The following PBX3 variants were observed in gnomAD, a reference collection of about 807,000 sequenced individuals.
PBX3 encodes the protein PBX homeobox 3.
A neutral mutation model predicts 48.5 loss-of-function variants in PBX3; 14 were observed. The ratio of observed to expected loss-of-function variants is 0.29; its 90% CI spans 0.19 to 0.45. The LOEUF (loss-of-function observed/expected upper bound fraction) is 0.45. Among genes scored for constraint, PBX3 ranks in the 20% least tolerant of loss-of-function variants. PBX3 has a pLI of 1.00. For synonymous variants in PBX3, 210 were observed against 200.3 expected, an observed-to-expected ratio of 1.05 and a Z score of -0.41; for missense variants, 386 against 546.7, an observed-to-expected ratio of 0.71 and a Z score of 2.93.
intron 2 of PBX3, among the ~76,000 whole-genome samples, chr9:125,817,841 G>A (rs995830191): frequency 2.0e-5 from 3 of 152,152 alleles, no homozygotes; most frequent in Non-Finnish European, 4.4e-5. Context: ...ATTCCTTGGA[G>A]ATAAATTCTT....
At chr9:125,905,309 C>G (rs1377082063) in intron 2 of PBX3, among the ~76,000 whole-genome samples, 1 of 152,018 alleles carries the variant, frequency 6.6e-6, no homozygotes, top group African/African-American at 2.4e-5. Context: ...CAATATCCAT[C>G]CTCCTAACTG....
chr9:125,799,359 T>A (rs1837873255), intron 2 of PBX3, among the ~76,000 whole-genome samples: 2 of 151,998 alleles, frequency 1.3e-5, no homozygotes, highest in Admixed American at 6.6e-5. Flanking sequence ...CAAAATGTTA[T>A]CTGGGTGTGG....
intron 2 of PBX3, among the ~76,000 whole-genome samples, chr9:125,828,497 G>A (rs1014194022): frequency 2.6e-4 from 40 of 152,158 alleles, no homozygotes; most frequent in African/African-American, 9.4e-4. Flanking sequence ...AATTAGAACT[G>A]GTAATACAAT....
intron 6 of PBX3, 54 bp from the exon 7 acceptor site, chr9:125,962,048 A>C: frequency 1.1e-6 from 1 of 870,276 alleles, no homozygotes; most frequent in Non-Finnish European, 1.9e-6. Flanking sequence ...TAGGTCTTTG[A>C]GGATTATGTG....
chr9:125,917,518 C>T (rs190055787), intron 3 of PBX3, among the ~76,000 whole-genome samples: 31 of 152,292 alleles, frequency 2.0e-4, no homozygotes, highest in Admixed American at 6.5e-4. Flanking sequence ...TAAAGATCCT[C>T]TGTGCTATTC....
intron 2 of PBX3, among the ~76,000 whole-genome samples, chr9:125,825,151 G>A (rs1473152117): frequency 1.3e-5 from 2 of 152,090 alleles, no homozygotes; most frequent in Non-Finnish European, 2.9e-5. Flanking sequence ...GGGCGTGGTG[G>A]CATGCACCTA....
chr9:125,781,389 G>A (rs1314013980), intron 2 of PBX3, among the ~76,000 whole-genome samples: 1 of 151,680 alleles, frequency 6.6e-6, no homozygotes, highest in Non-Finnish European at 1.5e-5. Flanking sequence ...GCGTGGTGGC[G>A]CGCGCCTGCA....
chr9:125,816,321 C>T (rs1406965286), intron 2 of PBX3, among the ~76,000 whole-genome samples: 1 of 152,030 alleles, frequency 6.6e-6, no homozygotes, highest in African/African-American at 2.4e-5. Flanking sequence ...AATGGTATAC[C>T]CTTTACAGTC....
intron 4 of PBX3, among the ~76,000 whole-genome samples, chr9:125,932,363 A>G (rs1446079639): frequency 1.3e-5 from 2 of 152,250 alleles, no homozygotes; most frequent in East Asian, 3.8e-4. Context: ...ACTGAAAGTC[A>G]TGTAGGCTCC....
At chr9:125,946,542 AAGGGTCAAATAAAAATGTT>A (rs1186753658) in intron 5 of PBX3, among the ~76,000 whole-genome samples, 2 of 152,198 alleles carry the variant, frequency 1.3e-5, no homozygotes, top group African/African-American at 4.8e-5. Flanking sequence ...ACCATAAAAA[AAGGGTCAAATAAAAATGTT>A]AGAATCAAAA....
chr9:125,803,329 C>A (rs1026263594), intron 2 of PBX3, among the ~76,000 whole-genome samples: 3 of 151,982 alleles, frequency 2.0e-5, no homozygotes, highest in African/African-American at 7.2e-5. Flanking sequence ...CTCAAGTGAT[C>A]CACCCGCCTC....
At chr9:125,868,338 A>C (rs979466669) in intron 2 of PBX3, among the ~76,000 whole-genome samples, 1 of 152,250 alleles carries the variant, frequency 6.6e-6, no homozygotes, top group East Asian at 1.9e-4. Context: ...TTTTATTTAC[A>C]TTTGAAAATA....
chr9:125,776,346 T>A (rs1005276910), intron 2 of PBX3, among the ~76,000 whole-genome samples: 2 of 152,184 alleles, frequency 1.3e-5, no homozygotes, highest in African/African-American at 4.8e-5. Flanking sequence ...CATCCTTGAT[T>A]GGTTTTGTGT....
At chr9:125,824,093 G>A (rs916858563) in intron 2 of PBX3, among the ~76,000 whole-genome samples, 1 of 149,550 alleles carries the variant, frequency 6.7e-6, no homozygotes, top group Non-Finnish European at 1.5e-5. Flanking sequence ...AAAAAAAAAT[G>A]TAGGCTAAAG....
At chr9:125,842,148 G>T (rs1423196129) in intron 2 of PBX3, among the ~76,000 whole-genome samples, 1 of 152,080 alleles carries the variant, frequency 6.6e-6, no homozygotes, top group African/African-American at 2.4e-5. Flanking sequence ...CTTAAGATGG[G>T]GTTAGAAATA....
intron 2 of PBX3, among the ~76,000 whole-genome samples, chr9:125,832,685 C>T (rs1046381907): frequency 2.0e-5 from 3 of 152,252 alleles, no homozygotes; most frequent in African/African-American, 7.2e-5. Flanking sequence ...TCCTCAGATT[C>T]ACTTGCTTAG....
chr9:125,888,187 G>T (rs1455009370), intron 2 of PBX3, among the ~76,000 whole-genome samples: 2 of 152,044 alleles, frequency 1.3e-5, no homozygotes, highest in Non-Finnish European at 2.9e-5. Context: ...AAAATGACTT[G>T]AATATAATAC....
Position 125,791,297 on chromosome 9 carries a change from G to GCCTA in PBX3, c.274+42674_274+42675insCCTA, listed in dbSNP as rs1837596904. Among the ~76,000 whole-genome samples the GCCTA allele has an allele frequency of 1.2e-4, 15 of 128,060 alleles. No homozygotes were observed. The South Asian group carries it at 3.5e-3, about 30-fold the overall frequency. The allele number at this position is 128,060 out of a possible 152,430, so 84.0% of individuals were successfully genotyped here. ...TACATTTTTATCTGTCTGTCTGTCT[G>GCCTA]TCTGTCTATCTATCTATCTATCTAT... is the stretch of plus-strand genomic sequence containing the variant. On this transcript the variant is annotated intron_variant, in intron 2 of 8. Coordinates refer to ENST00000373489, the MANE Select transcript of PBX3 (RefSeq NM_006195.6).
intron 3 of PBX3, among the ~76,000 whole-genome samples, chr9:125,920,719 G>C (rs10987032): frequency 0.062 from 9,438 of 152,216 alleles, 685 homozygotes; most frequent in East Asian, 0.17. Context: ...CCAAGCATCT[G>C]GGAACCTGCT....
Sources: allele counts gnomAD v4.1 joint callset (sites outside exome capture counted in the v4.1 genomes callset), GRCh38; gene constraint gnomAD v4.1.1; transcripts MANE v1.5; gene names NCBI Gene and HGNC (gene_info 2026-07-23, HGNC 2026-07-21).